Variants in FYB1 observed in about 807,000 individuals in gnomAD.
FYB1 encodes the protein FYN-binding protein 1.
A neutral mutation model predicts 94.1 loss-of-function variants in FYB1; 41 were observed. The observed-to-expected ratio is 0.44, with a 90% CI of 0.34 to 0.57. The LOEUF (loss-of-function observed/expected upper bound fraction) is 0.57. Among genes scored for constraint, FYB1 ranks in the 20% least tolerant of loss-of-function variants. The pLI is 0.02. For synonymous variants in FYB1, 367 were observed against 353.2 expected, an observed-to-expected ratio of 1.04 and a Z score of -0.44; for missense variants, 1,050 against 976.8, an observed-to-expected ratio of 1.07 and a Z score of -1.00.
chr5:39,120,568 T>C (rs1431616312), intron 14 of FYB1, among the ~76,000 whole-genome samples: 1 of 152,158 alleles, frequency 6.6e-6, no homozygotes, highest in East Asian at 1.9e-4. Flanking sequence ...GTCCAGGTAG[T>C]GCTAGACACA....
At chr5:39,150,680 C>T (rs1314674397) in intron 3 of FYB1, among the ~76,000 whole-genome samples, 1 of 152,140 alleles carries the variant, frequency 6.6e-6, no homozygotes, top group African/African-American at 2.4e-5. Flanking sequence ...TTCTAGATTC[C>T]CATTTTCCTT....
chr5:39,165,208 C>A (rs1364925648), intron 2 of FYB1, among the ~76,000 whole-genome samples: 2 of 152,166 alleles, frequency 1.3e-5, no homozygotes, highest in African/African-American at 4.8e-5. Context: ...AAGAACAAAG[C>A]TGGAGCCATC....
intron 2 of FYB1, among the ~76,000 whole-genome samples, chr5:39,199,467 A>T (rs1748125992): frequency 1.3e-5 from 2 of 152,318 alleles, no homozygotes; most frequent in East Asian, 1.9e-4. Context: ...ACGCTTTTGG[A>T]AACAACACAA....
intron 2 of FYB1, among the ~76,000 whole-genome samples, chr5:39,161,952 T>C (rs1744283636): frequency 1.3e-5 from 2 of 152,264 alleles, no homozygotes; most frequent in African/African-American, 4.8e-5. Context: ...TCATACAATA[T>C]GTGGTTGTTT....
intron 3 of FYB1, among the ~76,000 whole-genome samples, chr5:39,149,547 C>T (rs1743063352): frequency 6.6e-6 from 1 of 152,124 alleles, no homozygotes; most frequent in African/African-American, 2.4e-5. Context: ...AGTTACTGTC[C>T]CATTTCTTTG....
chr5:39,255,381 G>A (rs959132517), intron 1 of FYB1, among the ~76,000 whole-genome samples: 4 of 150,798 alleles, frequency 2.7e-5, no homozygotes, highest in Admixed American at 6.6e-5. Context: ...CTAATGGTTA[G>A]CATTTTGCAT....
chr5:39,251,464 T>C (rs1389971561), intron 1 of FYB1, among the ~76,000 whole-genome samples: 2 of 152,142 alleles, frequency 1.3e-5, no homozygotes, highest in Non-Finnish European at 2.9e-5. Context: ...TGATGCTCCA[T>C]ATGGGCTGCT....
At chr5:39,146,101 G>C (rs1742628089) in intron 3 of FYB1, among the ~76,000 whole-genome samples, 1 of 151,736 alleles carries the variant, frequency 6.6e-6, no homozygotes, top group African/African-American at 2.4e-5. Context: ...TTTTAATAGA[G>C]ACAGGGTTTC....
intron 7 of FYB1, among the ~76,000 whole-genome samples, chr5:39,136,749 T>C (rs1741709611): frequency 6.6e-6 from 1 of 152,222 alleles, no homozygotes; most frequent in Non-Finnish European, 1.5e-5. Flanking sequence ...GAACCTTTGC[T>C]TTAATGCAAT....
chr5:39,243,729 G>A (rs1222619182), intron 1 of FYB1, among the ~76,000 whole-genome samples: 1 of 152,074 alleles, frequency 6.6e-6, no homozygotes, highest in East Asian at 1.9e-4. Context: ...AATTACCTTG[G>A]GCAGTATGGC....
Position 39,202,501 on chromosome 5 carries a change from T to C in FYB1, c.460A>G (p.Lys154Glu). 6.2e-7 allele frequency: 1 copy of C among 1,613,950 alleles called. No individual in the cohort carries two copies. The highest frequency in any genetic ancestry group is 2.2e-5 in the East Asian group (1 of 44,866). Residue 154 changes from lysine to glutamate, a missense_variant, in exon 2 of 19, where the codon AAA (lysine) becomes GAA (glutamate). Physicochemically the swap from Lys to Glu is moderately conservative, Grantham distance 56. Coordinates refer to ENST00000512982, the MANE Select transcript of FYB1 (RefSeq NM_001465.6). The stretch of plus-strand genomic sequence containing the variant: ...GAGGTTGGAGGAGTAGGCCCAGATT[T>C]CGGGCCTAGTGGCTTTAAGTCATGG... Reference protein sequence around the residue: ...QDHDLKPLGPKSGPTPPTSEN... With the variant: ...QDHDLKPLGPESGPTPPTSEN...
intron 1 of FYB1, among the ~76,000 whole-genome samples, chr5:39,247,098 A>ATATATATATATATT (rs1265670404): frequency 7.1e-6 from 1 of 141,718 alleles, no homozygotes; most frequent in African/African-American, 2.6e-5. Flanking sequence ...ATATATATAT[A>ATATATATATATATT]TATATATATA....
intron 12 of FYB1, among the ~76,000 whole-genome samples, chr5:39,125,112 G>T (rs1054783567): frequency 2.0e-5 from 3 of 151,884 alleles, no homozygotes; most frequent in East Asian, 1.9e-4. Context: ...TTTAAGTAAG[G>T]GTTATATTTG....
chr5:39,144,521 G>A (rs1742470614), intron 3 of FYB1, among the ~76,000 whole-genome samples: 1 of 152,150 alleles, frequency 6.6e-6, no homozygotes, highest in Non-Finnish European at 1.5e-5. Flanking sequence ...AGAATAACAG[G>A]CTGGGCGCAG....
intron 2 of FYB1, among the ~76,000 whole-genome samples, chr5:39,195,483 G>A (rs536514682): frequency 6.6e-6 from 1 of 152,292 alleles, no homozygotes; most frequent in South Asian, 2.1e-4. Context: ...GGTGAAAATA[G>A]CCCAGGCACC....
At chr5:39,217,720 C>T (rs1428918562) in intron 1 of FYB1, among the ~76,000 whole-genome samples, 1 of 152,196 alleles carries the variant, frequency 6.6e-6, no homozygotes, top group Non-Finnish European at 1.5e-5. Context: ...ACCGCAACCC[C>T]TGGAACCACA....
intron 1 of FYB1, among the ~76,000 whole-genome samples, chr5:39,207,614 G>A (rs181738281): frequency 3.9e-5 from 6 of 152,270 alleles, no homozygotes; most frequent in Non-Finnish European, 8.8e-5. Flanking sequence ...CGTCCCTTTT[G>A]TAGTCAGTTC....
intron 1 of FYB1, among the ~76,000 whole-genome samples, chr5:39,207,597 A>G (rs1748973953): frequency 6.6e-6 from 1 of 152,242 alleles, no homozygotes; most frequent in African/African-American, 2.4e-5. Flanking sequence ...GTTCCTAGAA[A>G]GAAAATCGTC....
rs555824281 is a variant in FYB1, at chr5:39,237,631, A to G, written c.-27-34644T>C. Among the ~76,000 whole-genome samples, 55 of 152,274 alleles carry G rather than the reference A, an allele frequency of 3.6e-4. 1 individual carries two copies. The Middle Eastern group carries it at 0.014, about 38-fold the overall frequency. On this transcript the variant is annotated intron_variant, in intron 1 of 1. Transcript: ENST00000510188. Reference sequence around the variant, plus strand: ...GATATAAGGATTGAAAGTAAAAAAGAGTTAAAATGACTACAATACTTCAAG... The same window carrying G: ...GATATAAGGATTGAAAGTAAAAAAGGGTTAAAATGACTACAATACTTCAAG...
Sources: gnomAD v4.1 joint callset for allele counts (sites outside exome capture counted in the v4.1 genomes callset) on GRCh38, gnomAD v4.1.1 for gene constraint, MANE v1.5 for transcripts, NCBI Gene and HGNC (gene_info 2026-07-23, HGNC 2026-07-21) for gene names.